GALNTL6: variants seen among roughly 807,000 people sequenced by gnomAD.
The protein encoded by GALNTL6 is polypeptide N-acetylgalactosaminyltransferase-like 6.
Under a neutral mutation model 73.7 loss-of-function variants are expected in GALNTL6, and 46 were observed. The observed-to-expected ratio is 0.62, with a 90% CI of 0.49 to 0.80. The LOEUF is 0.80. GALNTL6 is among the 30% of genes least tolerant of loss of function. The pLI, the probability that GALNTL6 is intolerant of heterozygous loss-of-function variation, is 0.00. For synonymous variants in GALNTL6, 259 were observed against 263.7 expected, an observed-to-expected ratio of 0.98 and a Z score of 0.17; for missense variants, 604 against 755.0, an observed-to-expected ratio of 0.80 and a Z score of 2.34.
At chr4:172,164,361 T>C (rs1054567944) in intron 2 of GALNTL6, among the ~76,000 whole-genome samples, 27 of 152,022 alleles carry the variant, frequency 1.8e-4, no homozygotes, top group African/African-American at 6.0e-4. Context: ...ATCTCAGATA[T>C]AGTCATACTT....
intron 2 of GALNTL6, among the ~76,000 whole-genome samples, chr4:172,089,792 G>A (rs1732147668): frequency 6.6e-6 from 1 of 152,106 alleles, no homozygotes; most frequent in Admixed American, 6.5e-5. Flanking sequence ...TGGTGGTTTT[G>A]CTGCACCCAT....
chr4:172,311,838 G>A (rs1740375815), intron 4 of GALNTL6, 86 bp downstream of exon 4: 13 of 834,746 alleles, frequency 1.6e-5, no homozygotes, highest in Non-Finnish European at 2.3e-5. Context: ...ATCACTGCGA[G>A]ATATGTAACC....
intron 3 of GALNTL6, among the ~76,000 whole-genome samples, chr4:172,255,600 C>T (rs939390750): frequency 1.1e-4 from 17 of 151,192 alleles, no homozygotes; most frequent in African/African-American, 2.4e-4. Context: ...CTTATTTCTA[C>T]TCTCAATAAA....
intron 3 of GALNTL6, among the ~76,000 whole-genome samples, chr4:172,296,132 T>C (rs1045001962): frequency 6.6e-6 from 1 of 152,116 alleles, no homozygotes; most frequent in Admixed American, 6.6e-5. Flanking sequence ...CTTTGTCAGA[T>C]TCATGAAAAT....
intron 2 of GALNTL6, among the ~76,000 whole-genome samples, chr4:172,019,882 G>A (rs1446644247): frequency 1.3e-5 from 2 of 152,060 alleles, no homozygotes; most frequent in Non-Finnish European, 2.9e-5. Context: ...CTTTTCCTCA[G>A]CACATGGATC....
intron 4 of GALNTL6, among the ~76,000 whole-genome samples, chr4:172,345,485 T>C (rs946703625): frequency 2.0e-5 from 3 of 152,134 alleles, no homozygotes; most frequent in South Asian, 2.1e-4. Context: ...ATGAAATGCA[T>C]GTGTGATAAT....
intron 4 of GALNTL6, among the ~76,000 whole-genome samples, chr4:172,340,260 TA>T (rs1376848071): frequency 1.3e-5 from 2 of 152,232 alleles, no homozygotes; most frequent in Non-Finnish European, 2.9e-5. Context: ...CATGTGGTTT[TA>T]TGATTTTATT....
intron 12 of GALNTL6, among the ~76,000 whole-genome samples, chr4:173,032,797 G>A (rs1324761724): frequency 1.3e-5 from 2 of 152,088 alleles, no homozygotes; most frequent in African/African-American, 4.8e-5. Context: ...TTGCAGAGCA[G>A]GCATCTAACA....
At chr4:172,103,950 T>C (rs183670550) in intron 2 of GALNTL6, among the ~76,000 whole-genome samples, 3,865 of 53,162 alleles carry the variant, frequency 0.073, 53 homozygotes, top group Non-Finnish European at 0.088. Flanking sequence ...TCTTTTTCTC[T>C]TTTTTTTTTT....
intron 2 of GALNTL6, among the ~76,000 whole-genome samples, chr4:171,845,471 T>C (rs985921944): frequency 2.0e-5 from 3 of 152,198 alleles, no homozygotes; most frequent in Non-Finnish European, 2.9e-5. Context: ...TGTGGGAATA[T>C]AGGAAGTGGC....
chr4:172,039,783 A>G (rs1233451652), intron 2 of GALNTL6, among the ~76,000 whole-genome samples: 1 of 152,158 alleles, frequency 6.6e-6, no homozygotes, highest in Non-Finnish European at 1.5e-5. Context: ...TGCAATTGTC[A>G]GTACCTATAA....
rs1295940607 is a variant in GALNTL6 at position 172,033,324 on chromosome 4, A to C, written c.139-196332A>C. 2.0e-5 allele frequency among the ~76,000 whole-genome samples: 3 copies of C among 152,044 alleles called. No homozygotes were observed. The South Asian group carries it at 6.2e-4, about 31-fold the overall frequency. On this transcript the variant is annotated intron_variant, in intron 2 of 12. Transcript: ENST00000506823. The stretch of plus-strand genomic sequence containing the variant: ...AAGAATATATTCTATAAATATAAAT[A>C]TCGTAGTATTTTTTTCTATAGTGTA...
intron 5 of GALNTL6, among the ~76,000 whole-genome samples, chr4:172,398,999 TTGA>T (rs1412890435): frequency 1.3e-5 from 2 of 152,122 alleles, no homozygotes; most frequent in African/African-American, 4.8e-5. Context: ...TAGTTGTGTC[TTGA>T]TGATAGCTTC....
chr4:172,952,048 G>C lies in GALNTL6; in HGVS notation c.1161G>C (p.Arg387=). 6.2e-7 allele frequency: 1 copy of C among 1,613,808 alleles called. No homozygotes were observed. Among genetic ancestry groups the C allele is most frequent in the South Asian group, 1.1e-5 (1 of 91,044 alleles). The change falls in exon 10 of 13, where the codon CGG becomes CGC. Residue 387 remains arginine, a synonymous_variant. Transcript: ENST00000506823. The part of the protein sequence containing the change: ...SGTSLARNLK[R]VAETWMDEFA... ...TTCCTGCTGCACAGAACCTGAAGCGGGTAGCTGAGACCTGGATGGATGAAT... is the reference window on the plus strand; with the variant it reads ...TTCCTGCTGCACAGAACCTGAAGCGCGTAGCTGAGACCTGGATGGATGAAT...
chr4:172,186,144 C>T (rs1353018784), intron 2 of GALNTL6, among the ~76,000 whole-genome samples: 1 of 152,078 alleles, frequency 6.6e-6, no homozygotes. Flanking sequence ...AAAATTGGTA[C>T]ACTTCTCCAG....
chr4:172,117,369 CAATG>C (rs776674064), intron 2 of GALNTL6, among the ~76,000 whole-genome samples: 16 of 152,032 alleles, frequency 1.1e-4, no homozygotes, highest in East Asian at 3.9e-4. Context: ...ATAATAAAAA[CAATG>C]AAACACTGAG....
chr4:172,286,837 A>C (rs1406705154), intron 3 of GALNTL6, among the ~76,000 whole-genome samples: 1 of 152,210 alleles, frequency 6.6e-6, no homozygotes, highest in African/African-American at 2.4e-5. Context: ...GAAAATTTTA[A>C]AAATAAATTC....
At chr4:173,009,886 T>C (rs1752468621) in intron 11 of GALNTL6, among the ~76,000 whole-genome samples, 1 of 152,220 alleles carries the variant, frequency 6.6e-6, no homozygotes, top group Admixed American at 6.5e-5. Flanking sequence ...TGGGGGCACA[T>C]AGTAGGTGTA....
chr4:172,152,874 T>C (rs773966522), intron 2 of GALNTL6, among the ~76,000 whole-genome samples: 59 of 152,230 alleles, frequency 3.9e-4, no homozygotes, highest in Non-Finnish European at 7.1e-4. Flanking sequence ...CCTCCCAAAG[T>C]GCTGGGATTA....
Sources: allele counts gnomAD v4.1 joint callset (sites outside exome capture counted in the v4.1 genomes callset), GRCh38; gene constraint gnomAD v4.1.1; transcripts MANE v1.5; gene names NCBI Gene and HGNC (gene_info 2026-07-23, HGNC 2026-07-21).